COL24A1: variants seen among roughly 807,000 people sequenced by gnomAD.
The protein encoded by COL24A1 is collagen type XXIV alpha 1 chain.
A neutral mutation model predicts 253.9 loss-of-function variants in COL24A1; 224 were observed. The observed-to-expected ratio is 0.88, with a 90% confidence interval of 0.79 to 0.99. The LOEUF is 0.99. COL24A1 is among the 50% of genes least tolerant of loss of function. The pLI is 0.00. For missense variants in COL24A1, 2,131 were observed against 2,068.5 expected, an observed-to-expected ratio of 1.03 and a Z score of -0.59; for synonymous variants, 685 against 673.7, an observed-to-expected ratio of 1.02 and a Z score of -0.26.
intron 8 of COL24A1, 56 bp downstream of exon 8, chr1:86,063,659 T>C: frequency 7.8e-7 from 1 of 1,279,668 alleles, no homozygotes; most frequent in Non-Finnish European, 1.1e-6. Flanking sequence ...TCAAAGGAGT[T>C]CTCTAACATG....
chr1:86,041,102 AGCAG>A (rs1699439694), intron 12 of COL24A1, among the ~76,000 whole-genome samples: 2 of 152,174 alleles, frequency 1.3e-5, no homozygotes, highest in Admixed American at 1.3e-4. Flanking sequence ...AGAAAAGAGG[AGCAG>A]GCTCTCCTTT....
At chr1:85,767,133 T>C (rs533300255) in intron 53 of COL24A1, among the ~76,000 whole-genome samples, 5 of 136,374 alleles carry the variant, frequency 3.7e-5, no homozygotes, top group Non-Finnish European at 8.2e-5. Flanking sequence ...ATAATAATAA[T>C]AAGATTGACA....
intron 14 of COL24A1, among the ~76,000 whole-genome samples, chr1:86,026,265 A>T (rs1249252592): frequency 2.0e-5 from 3 of 152,212 alleles, no homozygotes; most frequent in Admixed American, 2.0e-4. Context: ...AGGACCATCT[A>T]TATCAGTTTA....
At chr1:85,903,016 A>T (rs748572908) in intron 28 of COL24A1, among the ~76,000 whole-genome samples, 20 of 152,112 alleles carry the variant, frequency 1.3e-4, no homozygotes, top group African/African-American at 1.9e-4. Context: ...AAAATATCAC[A>T]CCCACCCCAT....
chr1:85,854,712 T>TG (rs138094211), intron 37 of COL24A1, among the ~76,000 whole-genome samples: 1 of 89,294 alleles, frequency 1.1e-5, no homozygotes, highest in African/African-American at 4.3e-5. Context: ...TAGGTTTTTG[T>TG]TTTTTTTTTT....
In COL24A1 at chr1:85,908,657, AT is replaced by A. The variant is rs765260012; in HGVS notation, c.2671-7del. ...CCAGGAGGACCTGGATATCCCTATA[AT>A]TTAAGGAAAATATAAAAGAAGTAAA... On this transcript the variant is annotated splice_polypyrimidine_tract_variant and splice_region_variant and intron_variant, in intron 26 of 59. Coordinates refer to ENST00000370571, the MANE Select transcript of COL24A1 (RefSeq NM_152890.7). The A allele has an allele frequency of 7.4e-7, 1 of 1,349,076 alleles. No individual in the cohort carries two copies. 83.6% of individuals were successfully genotyped at this position (1,349,076 alleles called of 1,614,324 possible). A position where few individuals can be genotyped will look rare whatever the true frequency, so the allele number is the denominator to read the frequency against.
At chr1:85,776,366 T>C (rs1031850913) in intron 52 of COL24A1, among the ~76,000 whole-genome samples, 1 of 152,152 alleles carries the variant, frequency 6.6e-6, no homozygotes, top group Non-Finnish European at 1.5e-5. Flanking sequence ...ACATCTTCTA[T>C]TTTGGTGAAC....
chr1:86,111,462 C>T (rs67222626), intron 5 of COL24A1, among the ~76,000 whole-genome samples: 22,723 of 151,984 alleles, frequency 0.15, 1,808 homozygotes, highest in South Asian at 0.24. Context: ...ATTGTAAATG[C>T]ACCAATCAGC....
chr1:86,101,187 C>G (rs1441723484), intron 5 of COL24A1, among the ~76,000 whole-genome samples: 2 of 152,070 alleles, frequency 1.3e-5, no homozygotes, highest in African/African-American at 4.8e-5. Context: ...CAACTGGTGT[C>G]AGAGGATCTG....
chr1:85,831,073 G>A (rs1675212784), intron 43 of COL24A1, among the ~76,000 whole-genome samples: 1 of 152,120 alleles, frequency 6.6e-6, no homozygotes, highest in Non-Finnish European at 1.5e-5. Flanking sequence ...GAAGTGAAGA[G>A]TGGCAAGAGA....
At position 85,730,696 on chromosome 1, in the gene COL24A1, TA is replaced by T. The variant is rs1663388357; in HGVS notation, c.4999-5del. On this transcript the variant is annotated splice_region_variant and splice_polypyrimidine_tract_variant and intron_variant, in intron 59 of 59. Transcript: ENST00000370571. ...TATGCCAGCTGCCATCTTGAATCTG[TA>T]AAATAAGAACAAAATGCTTTCATAC... 6.2e-7 allele frequency: 1 copy of T among 1,613,506 alleles called. No individual in the cohort carries two copies. Among genetic ancestry groups the T allele is most frequent in the Non-Finnish European group, 8.5e-7 (1 of 1,179,744 alleles).
At chr1:85,781,349 A>C in intron 51 of COL24A1, 76 bp from the exon 52 acceptor site, 14 of 1,006,170 alleles carry the variant, frequency 1.4e-5, no homozygotes, top group Non-Finnish European at 1.8e-5. Flanking sequence ...TCTCTTGTAC[A>C]ATGGTAAAAG....
In COL24A1 at chr1:85,994,501, G is replaced by A. The variant is rs571737628; in HGVS notation, c.2311-6847C>T. 1.2e-3 allele frequency among the ~76,000 whole-genome samples: 187 copies of A among 151,760 alleles called. 1 individual carries two copies. Among genetic ancestry groups the A allele is most frequent in the Non-Finnish European group, 1.9e-3 (131 of 67,898 alleles). On this transcript the variant is annotated intron_variant, in intron 19 of 59. Coordinates refer to ENST00000370571, the MANE Select transcript of COL24A1 (RefSeq NM_152890.7). The stretch of plus-strand genomic sequence containing the variant: ...TAAGAATGTATGCAGAGGGAGAGAG[G>A]TTTTGTAAGAGGATAATTTGGTCTG...
chr1:85,861,906 A>G (rs1013278692), intron 37 of COL24A1, among the ~76,000 whole-genome samples: 3 of 152,062 alleles, frequency 2.0e-5, no homozygotes, highest in Admixed American at 2.0e-4. Flanking sequence ...TTCTAAAAAT[A>G]CTCAGCTCAT....
At chr1:85,970,125 T>C (rs1691992368) in intron 22 of COL24A1, 102 bp downstream of exon 22, 3 of 1,068,552 alleles carry the variant, frequency 2.8e-6, no homozygotes, top group Non-Finnish European at 4.0e-6. Flanking sequence ...GTTTTCATTT[T>C]TGTCCTTTAC....
intron 19 of COL24A1, among the ~76,000 whole-genome samples, chr1:86,005,579 G>C (rs771261171): frequency 5.3e-5 from 8 of 151,940 alleles, no homozygotes; most frequent in Non-Finnish European, 1.2e-4. Context: ...CACATTTAAA[G>C]TAATGATCAG....
chr1:85,748,287 C>T (rs549665323), intron 55 of COL24A1, among the ~76,000 whole-genome samples: 1 of 152,322 alleles, frequency 6.6e-6, no homozygotes, highest in Non-Finnish European at 1.5e-5. Context: ...ATAAAACTGG[C>T]TAGTTGGGTT....
intron 19 of COL24A1, among the ~76,000 whole-genome samples, chr1:86,016,172 T>C (rs1696975309): frequency 6.6e-6 from 1 of 152,058 alleles, no homozygotes; most frequent in African/African-American, 2.4e-5. Context: ...GCCTGCTTTT[T>C]AGATTTTTGA....
intron 3 of COL24A1, among the ~76,000 whole-genome samples, chr1:86,118,739 T>C (rs1557696599): frequency 6.6e-6 from 1 of 152,150 alleles, no homozygotes; most frequent in Non-Finnish European, 1.5e-5. Flanking sequence ...CAGAGAAGGC[T>C]TTTCTGAAGA....
Sources: gnomAD v4.1 joint callset for allele counts (sites outside exome capture counted in the v4.1 genomes callset) on GRCh38, gnomAD v4.1.1 for gene constraint, MANE v1.5 for transcripts, NCBI Gene and HGNC (gene_info 2026-07-23, HGNC 2026-07-21) for gene names.